Variants in CDH18 observed in about 807,000 individuals in gnomAD.
CDH18 encodes the protein cadherin-18.
CDH18 carries 31 observed loss-of-function variants against 67.9 expected under a neutral mutation model. That is an observed-to-expected ratio of 0.46 (90% confidence interval 0.34 to 0.62). CDH18 has a LOEUF of 0.62. CDH18 is among the 20% of genes least tolerant of loss of function. CDH18 has a pLI of 0.01. For synonymous variants in CDH18, 362 were observed against 347.2 expected, an observed-to-expected ratio of 1.04 and a Z score of -0.48; for missense variants, 890 against 975.5, an observed-to-expected ratio of 0.91 and a Z score of 1.17.
chr5:20,413,874 T>C (rs550882207), intron 1 of CDH18, among the ~76,000 whole-genome samples: 1 of 152,324 alleles, frequency 6.6e-6, no homozygotes, highest in Admixed American at 6.5e-5. Context: ...GTTTTAGTCA[T>C]GAAGTCCTTG....
At chr5:19,921,179 A>C (rs930327713) in intron 2 of CDH18, among the ~76,000 whole-genome samples, 1 of 152,164 alleles carries the variant, frequency 6.6e-6, no homozygotes, top group Non-Finnish European at 1.5e-5. Flanking sequence ...TATGAACTGG[A>C]TGTGACAAAT....
chr5:19,588,160 T>C (rs1744501904), intron 7 of CDH18, among the ~76,000 whole-genome samples: 1 of 152,154 alleles, frequency 6.6e-6, no homozygotes, highest in Admixed American at 6.6e-5. Flanking sequence ...TTGCTGAAGT[T>C]GCTTATCAGC....
intron 4 of CDH18, among the ~76,000 whole-genome samples, chr5:19,741,021 G>A (rs527288705): frequency 2.6e-5 from 4 of 151,726 alleles, no homozygotes; most frequent in East Asian, 1.9e-4. Context: ...ACATTTGCCC[G>A]CAATAATGTT....
chr5:19,755,427 G>GTGTATATATATATATATATATA (rs1554024291), intron 3 of CDH18, among the ~76,000 whole-genome samples: 1 of 44,660 alleles, frequency 2.2e-5, no homozygotes, highest in African/African-American at 6.4e-5. Context: ...AACTAACAGG[G>GTGTATATATATATATATATATA]TATGTATATA....
intron 1 of CDH18, among the ~76,000 whole-genome samples, chr5:20,487,017 C>A (rs1035935190): frequency 1.3e-5 from 2 of 152,132 alleles, no homozygotes; most frequent in African/African-American, 4.8e-5. Flanking sequence ...ATCTGCAGAG[C>A]CAGGACTCAT....
chr5:20,460,968 C>G (rs971018273), intron 1 of CDH18, among the ~76,000 whole-genome samples: 1 of 152,136 alleles, frequency 6.6e-6, no homozygotes, highest in South Asian at 2.1e-4. Context: ...GCAATCACAT[C>G]TCATTTAAAA....
intron 1 of CDH18, among the ~76,000 whole-genome samples, chr5:20,346,179 A>G (rs992015346): frequency 2.6e-5 from 4 of 152,202 alleles, no homozygotes; most frequent in African/African-American, 9.6e-5. Flanking sequence ...AGTAGTCCTC[A>G]ATACCCTGTG....
At chr5:20,280,847 C>T (rs1374444123) in intron 1 of CDH18, among the ~76,000 whole-genome samples, 2 of 152,312 alleles carry the variant, frequency 1.3e-5, no homozygotes, top group African/African-American at 2.4e-5. Context: ...GTTCCTATTT[C>T]TCCACATCCT....
intron 3 of CDH18, among the ~76,000 whole-genome samples, chr5:19,810,747 G>T (rs1019324366): frequency 5.3e-5 from 8 of 152,008 alleles, no homozygotes; most frequent in Non-Finnish European, 1.0e-4. Context: ...TGTTGGCTGG[G>T]CACAGTGGCT....
At chr5:20,350,018 A>G (rs1328348315) in intron 1 of CDH18, among the ~76,000 whole-genome samples, 3 of 152,184 alleles carry the variant, frequency 2.0e-5, no homozygotes. Context: ...ACCTGGAAGC[A>G]GAAATAGTAA....
chr5:20,174,744 T>C (rs973569828), intron 2 of CDH18, among the ~76,000 whole-genome samples: 3 of 152,290 alleles, frequency 2.0e-5, no homozygotes, highest in African/African-American at 7.2e-5. Flanking sequence ...ATGATCCCAT[T>C]ATAATAAAAA....
intron 2 of CDH18, among the ~76,000 whole-genome samples, chr5:20,134,835 T>G (rs1749566104): frequency 6.6e-6 from 1 of 152,172 alleles, no homozygotes; most frequent in Non-Finnish European, 1.5e-5. Flanking sequence ...ATAGTTATAT[T>G]AGAGTCAGAT....
At chr5:20,569,969 C>G (rs1236938020) in intron 1 of CDH18, among the ~76,000 whole-genome samples, 1 of 151,962 alleles carries the variant, frequency 6.6e-6, no homozygotes, top group African/African-American at 2.4e-5. Context: ...TTCTGAGAGA[C>G]AAAACTATGG....
intron 3 of CDH18, among the ~76,000 whole-genome samples, chr5:19,789,770 G>A (rs188144741): frequency 2.0e-5 from 3 of 152,146 alleles, no homozygotes; most frequent in African/African-American, 7.2e-5. Flanking sequence ...TTTGCCAATA[G>A]TAGTACTTGT....
chr5:19,877,268 T>C (rs183293912), intron 2 of CDH18, among the ~76,000 whole-genome samples: 2 of 152,276 alleles, frequency 1.3e-5, no homozygotes, highest in Admixed American at 1.3e-4. Context: ...AATCGTTACT[T>C]TTATTCAACA....
chr5:19,988,872 T>C (rs772811502), upstream of CDH18, among the ~76,000 whole-genome samples: 1 of 152,160 alleles, frequency 6.6e-6, no homozygotes, highest in Non-Finnish European at 1.5e-5. Context: ...GGAGGGTTTA[T>C]ATCAGACAGA....
At chr5:19,938,555 A>G (rs1794513500) in intron 2 of CDH18, among the ~76,000 whole-genome samples, 1 of 151,468 alleles carries the variant, frequency 6.6e-6, no homozygotes, top group South Asian at 2.1e-4. Flanking sequence ...AATTTCATGA[A>G]TATGACTTGT....
intron 4 of CDH18, among the ~76,000 whole-genome samples, chr5:19,727,146 G>T (rs962924093): frequency 2.0e-5 from 3 of 152,102 alleles, no homozygotes; most frequent in Non-Finnish European, 4.4e-5. Context: ...AAAAGTAAAT[G>T]AATAAGTAAA....
At chr5:19,781,636 A>C (rs896872602) in intron 3 of CDH18, among the ~76,000 whole-genome samples, 1 of 152,144 alleles carries the variant, frequency 6.6e-6, no homozygotes, top group Admixed American at 6.6e-5. Flanking sequence ...TTACTGAGTA[A>C]AGAATGATTA....
Sources: allele counts gnomAD v4.1 joint callset (sites outside exome capture counted in the v4.1 genomes callset), GRCh38; gene constraint gnomAD v4.1.1; transcripts MANE v1.5; gene names NCBI Gene and HGNC (gene_info 2026-07-23, HGNC 2026-07-21).